Variants in NELL2 observed in about 807,000 individuals in gnomAD.
The protein encoded by NELL2 is neural EGFL like 2, also known as protein kinase C-binding protein NELL2.
A neutral mutation model predicts 109.6 loss-of-function variants in NELL2; 41 were observed. The ratio of observed to expected loss-of-function variants is 0.37; its 90% confidence interval spans 0.29 to 0.49. NELL2 has a LOEUF of 0.49. Ranked by LOEUF, NELL2 falls within the 20% of genes least tolerant of loss-of-function variation. The pLI is 0.98. For missense variants in NELL2, 900 were observed against 1,008.3 expected, an observed-to-expected ratio of 0.89 and a Z score of 1.45; for synonymous variants, 355 against 344.7, an observed-to-expected ratio of 1.03 and a Z score of -0.33.
intron 13 of NELL2, among the ~76,000 whole-genome samples, chr12:44,633,331 C>T (rs866034855): frequency 6.6e-6 from 1 of 151,988 alleles, no homozygotes; most frequent in African/African-American, 2.4e-5. Context: ...AGAAGCACAG[C>T]GTATCAAACC....
intron 9 of NELL2, among the ~76,000 whole-genome samples, chr12:44,743,298 G>A (rs1940113340): frequency 6.6e-6 from 1 of 152,154 alleles, no homozygotes; most frequent in South Asian, 2.1e-4. Flanking sequence ...CCTCCTGAAG[G>A]AAGCACTAAA....
intron 12 of NELL2, among the ~76,000 whole-genome samples, chr12:44,679,296 T>C (rs1016596257): frequency 6.6e-6 from 1 of 152,114 alleles, no homozygotes; most frequent in Non-Finnish European, 1.5e-5. Flanking sequence ...AAGGAAGTCA[T>C]CTGTCAGGAA....
At chr12:44,511,098 T>G (rs1185776822) in intron 19 of NELL2, among the ~76,000 whole-genome samples, 2 of 152,176 alleles carry the variant, frequency 1.3e-5, no homozygotes, top group African/African-American at 4.8e-5. Flanking sequence ...CCCATAAGTA[T>G]GTCTTAGGAA....
chr12:44,860,196 T>C (rs1267763068), intron 2 of NELL2, among the ~76,000 whole-genome samples: 1 of 152,214 alleles, frequency 6.6e-6, no homozygotes, highest in Non-Finnish European at 1.5e-5. Context: ...AAGAAACCTA[T>C]TGTACGTCCC....
At chr12:44,675,356 T>C (rs953953800) in intron 12 of NELL2, among the ~76,000 whole-genome samples, 3 of 152,178 alleles carry the variant, frequency 2.0e-5, no homozygotes, top group Admixed American at 2.0e-4. Flanking sequence ...ACGTCATCTA[T>C]GTGGCTGCAG....
intron 14 of NELL2, among the ~76,000 whole-genome samples, chr12:44,610,538 T>C (rs1034479724): frequency 2.0e-5 from 3 of 152,028 alleles, no homozygotes; most frequent in Non-Finnish European, 4.4e-5. Flanking sequence ...GATGGAGCAG[T>C]TCTCCACAAA....
intron 9 of NELL2, among the ~76,000 whole-genome samples, chr12:44,739,316 A>T (rs1448670611): frequency 1.3e-5 from 2 of 152,194 alleles, no homozygotes; most frequent in Non-Finnish European, 2.9e-5. Flanking sequence ...GAGAAAAAAA[A>T]TTACTATCTA....
chr12:44,685,611 G>A (rs111899894), intron 12 of NELL2, among the ~76,000 whole-genome samples: 8,918 of 151,926 alleles, frequency 0.059, 870 homozygotes, highest in African/African-American at 0.2. Flanking sequence ...GGCAGCCCTG[G>A]TGGTGATAAA....
chr12:44,746,180 A>G (rs1460046078), intron 9 of NELL2, among the ~76,000 whole-genome samples: 1 of 152,214 alleles, frequency 6.6e-6, no homozygotes, highest in Non-Finnish European at 1.5e-5. Context: ...CAAACCTGAC[A>G]AAAACAAGAA....
chr12:44,860,060 A>T (rs1212551302), intron 2 of NELL2, among the ~76,000 whole-genome samples: 1 of 149,730 alleles, frequency 6.7e-6, no homozygotes, highest in Non-Finnish European at 1.5e-5. Flanking sequence ...TGTATTTTTG[A>T]AAAAAAAATA....
intron 15 of NELL2, among the ~76,000 whole-genome samples, chr12:44,587,284 A>AAAAAAATATATATAT: frequency 4.2e-5 from 3 of 72,218 alleles, no homozygotes; most frequent in African/African-American, 5.1e-5. Context: ...AAAAAAAAAA[A>AAAAAAATATATATAT]ATATATATAT....
chr12:44,602,558 T>C (rs1230974536), intron 15 of NELL2, among the ~76,000 whole-genome samples: 1 of 152,162 alleles, frequency 6.6e-6, no homozygotes, highest in Non-Finnish European at 1.5e-5. Context: ...TCTACAGTTT[T>C]TCTTTTTAAT....
intron 15 of NELL2, among the ~76,000 whole-genome samples, chr12:44,553,947 T>C (rs1407124012): frequency 6.6e-6 from 1 of 152,156 alleles, no homozygotes; most frequent in Non-Finnish European, 1.5e-5. Flanking sequence ...AAATATGATG[T>C]AGTAAAGCGC....
intron 16 of NELL2, among the ~76,000 whole-genome samples, chr12:44,529,411 A>G (rs1358621488): frequency 6.6e-6 from 1 of 152,180 alleles, no homozygotes; most frequent in Non-Finnish European, 1.5e-5. Context: ...GTTGTCTATT[A>G]GAAGTCCAAG....
chr12:44,600,771 G>T (rs967197913), intron 15 of NELL2, among the ~76,000 whole-genome samples: 3 of 152,114 alleles, frequency 2.0e-5, no homozygotes, highest in African/African-American at 7.2e-5. Flanking sequence ...TGATTTCCAG[G>T]ATATTTTGTT....
chr12:44,662,183 G>T (rs1336026474), intron 13 of NELL2, among the ~76,000 whole-genome samples: 5 of 152,152 alleles, frequency 3.3e-5, no homozygotes, highest in Non-Finnish European at 7.4e-5. Context: ...CCAGAAAATG[G>T]TGATTCATAT....
chr12:44,669,615 T>C lies in NELL2; in HGVS notation c.1319-4006A>G, dbSNP rs1359941776. 2.6e-5 allele frequency among the ~76,000 whole-genome samples: 4 copies of C among 151,904 alleles called. No individual in the cohort carries two copies. The South Asian group carries it at 6.2e-4, about 24-fold the overall frequency. On this transcript the variant is annotated intron_variant, in intron 12 of 19. Coordinates refer to ENST00000429094, the MANE Select transcript of NELL2 (RefSeq NM_001145108.2). ...AGAATAAAATAAAAAATGTAATAGCTTCAACAATAGACTAGATCAAGGAGA... is the reference window on the plus strand; with the variant it reads ...AGAATAAAATAAAAAATGTAATAGCCTCAACAATAGACTAGATCAAGGAGA...
chr12:44,825,761 T>C (rs1943692135), intron 2 of NELL2, among the ~76,000 whole-genome samples: 1 of 149,698 alleles, frequency 6.7e-6, no homozygotes, highest in African/African-American at 2.4e-5. Flanking sequence ...TTTCTGTGTG[T>C]TAGGCCGGGC....
chr12:44,798,944 CACTTTTTTTTTTTTTTT>C (rs1942729308), intron 3 of NELL2, among the ~76,000 whole-genome samples: 1 of 128,380 alleles, frequency 7.8e-6, no homozygotes, highest in African/African-American at 2.9e-5. Context: ...AAATGATTTC[CACTTTTTTTTTTTTTTT>C]TTTTTTTTTT....
Sources: allele counts gnomAD v4.1 joint callset (sites outside exome capture counted in the v4.1 genomes callset), GRCh38; gene constraint gnomAD v4.1.1; transcripts MANE v1.5; gene names NCBI Gene and HGNC (gene_info 2026-07-23, HGNC 2026-07-21).